PCGF5: variants seen among roughly 807,000 people sequenced by gnomAD.
PCGF5 encodes the protein polycomb group ring finger 5, also known as polycomb group RING finger protein 5.
Under a neutral mutation model 44.3 loss-of-function variants are expected in PCGF5, and 9 were observed. The ratio of observed to expected loss-of-function variants is 0.20; its 90% CI spans 0.12 to 0.35. PCGF5 has a LOEUF of 0.35. PCGF5 is among the 10% of genes least tolerant of loss of function. The pLI, the probability that PCGF5 is intolerant of heterozygous loss-of-function variation, is 1.00. For synonymous variants in PCGF5, 95 were observed against 102.5 expected, an observed-to-expected ratio of 0.93 and a Z score of 0.44; for missense variants, 146 against 305.3, an observed-to-expected ratio of 0.48 and a Z score of 3.89.
chr10:91,184,339 G>C (rs1181931589), intron 1 of PCGF5, among the ~76,000 whole-genome samples: 1 of 151,852 alleles, frequency 6.6e-6, no homozygotes, highest in Non-Finnish European at 1.5e-5. Context: ...TCCTCTACGT[G>C]GTCTATTCTG....
chr10:91,242,187 C>T (rs1183139454), intron 3 of PCGF5, among the ~76,000 whole-genome samples: 2 of 149,642 alleles, frequency 1.3e-5, no homozygotes, highest in African/African-American at 2.5e-5. Flanking sequence ...ATCTAGTAGG[C>T]AGGGGACAGG....
At chr10:91,172,006 A>G (rs544120933) in intron 1 of PCGF5, among the ~76,000 whole-genome samples, 1 of 152,366 alleles carries the variant, frequency 6.6e-6, no homozygotes, top group South Asian at 2.1e-4. Flanking sequence ...TTGTTCCTTT[A>G]TTTTAAAGAT....
chr10:91,206,230 C>G (rs1480104731), intron 1 of PCGF5, among the ~76,000 whole-genome samples: 1 of 151,894 alleles, frequency 6.6e-6, no homozygotes, highest in Non-Finnish European at 1.5e-5. Context: ...AGCTGAACAG[C>G]AGAACTCGGA....
At position 91,279,777 on chromosome 10, in the gene PCGF5, AT is replaced by A. The variant is rs2133480953; in HGVS notation, c.*1462del. 1 of 152,226 alleles carries A rather than the reference AT, an allele frequency of 6.6e-6. No homozygotes were observed. The highest frequency in any genetic ancestry group is 2.1e-4 in the South Asian group (1 of 4,830). The allele number at this position is 152,226 out of a possible 1,614,324, so 9.4% of individuals were successfully genotyped here. On this transcript the variant is annotated 3_prime_UTR_variant, in exon 10 of 10. Coordinates refer to ENST00000336126, the MANE Select transcript of PCGF5 (RefSeq NM_032373.5). ...TGTGTGTTACACACATTTAGTTTTT[AT>A]ACTGCATATGTGGTAAATGTGTCAC...
chr10:91,157,649 G>A, the PCGF5 span, among the ~76,000 whole-genome samples: 45 of 152,256 alleles, frequency 3.0e-4, no homozygotes, highest in Middle Eastern at 3.4e-3. Flanking sequence ...ATCAAAGATC[G>A]CCCATTTTAA....
intron 1 of PCGF5, among the ~76,000 whole-genome samples, chr10:91,195,453 CAT>C (rs1242745973): frequency 5.6e-4 from 70 of 126,108 alleles, no homozygotes; most frequent in African/African-American, 2.2e-3. Context: ...TATATATATG[CAT>C]ATATATATAT....
upstream of PCGF5, among the ~76,000 whole-genome samples, chr10:91,215,760 T>C (rs1160157897): frequency 6.6e-6 from 1 of 152,266 alleles, no homozygotes. Flanking sequence ...GACTAATTTC[T>C]TGTCCACCCA....
At chr10:91,261,927 G>C (rs995402704) in intron 7 of PCGF5, among the ~76,000 whole-genome samples, 3 of 152,198 alleles carry the variant, frequency 2.0e-5, no homozygotes, top group African/African-American at 4.8e-5. Flanking sequence ...TAATTTACCA[G>C]TTTATTTACA....
intron 6 of PCGF5, among the ~76,000 whole-genome samples, chr10:91,260,906 A>G (rs1307348353): frequency 6.6e-6 from 1 of 151,964 alleles, no homozygotes; most frequent in Non-Finnish European, 1.5e-5. Context: ...ACATGTATAC[A>G]TATGTAACAA....
chr10:91,269,550 C>T (rs997768507), intron 8 of PCGF5, among the ~76,000 whole-genome samples: 7 of 152,020 alleles, frequency 4.6e-5, no homozygotes, highest in African/African-American at 1.7e-4. Flanking sequence ...AATTTTTTGA[C>T]ATTACAAGCA....
chr10:91,226,823 T>C (rs1229675663), intron 2 of PCGF5, among the ~76,000 whole-genome samples: 4 of 152,306 alleles, frequency 2.6e-5, no homozygotes, highest in African/African-American at 9.6e-5. Context: ...TTTGATGACA[T>C]GATCAAATCA....
intron 1 of PCGF5, among the ~76,000 whole-genome samples, chr10:91,170,159 A>G (rs368053128): frequency 2.6e-5 from 4 of 152,354 alleles, no homozygotes; most frequent in African/African-American, 9.6e-5. Context: ...TGAATGTAAA[A>G]CTGTAAAACT....
At position 91,245,846 on chromosome 10, in the gene PCGF5, C is replaced by T. The variant is rs573950486; in HGVS notation, c.210-2659C>T. Among the ~76,000 whole-genome samples, 241 of 152,018 alleles carry T rather than the reference C, an allele frequency of 1.6e-3. 1 individual carries two copies. Among genetic ancestry groups the T allele is most frequent in the African/African-American group, 5.7e-3 (235 of 41,454 alleles). ...AGGAAAGGGATTTGGAGAGTTAGGG[C>T]GAGAAAAAAGCGTGTTGTCCAGGGG... On this transcript the variant is annotated intron_variant, in intron 3 of 9. Coordinates refer to ENST00000336126, the MANE Select transcript of PCGF5 (RefSeq NM_032373.5).
chr10:91,227,762 C>G lies in PCGF5; in HGVS notation c.112+4779C>G, dbSNP rs1220882494. On this transcript the variant is annotated intron_variant, in intron 2 of 9. Coordinates refer to ENST00000336126, the MANE Select transcript of PCGF5 (RefSeq NM_032373.5). ...ACTGGTTTCTGCCTACCACTTCCTC[C>G]CCTACCACCTAACACTCACACATAC... 1.1e-5 allele frequency: 11 copies of G among 999,508 alleles called. No homozygotes were observed. In the East Asian group the frequency reaches 1.2e-3, roughly 106 times the overall value. The allele number at this position is 999,508 out of a possible 1,614,324, so 61.9% of individuals were successfully genotyped here.
chr10:91,282,991 C>T lies in PCGF5; in HGVS notation c.*4675C>T, dbSNP rs921866365. The T allele has an allele frequency of 6.6e-6, 1 of 152,094 alleles. No individual in the cohort carries two copies. Among genetic ancestry groups the T allele is most frequent in the African/African-American group, 2.4e-5 (1 of 41,412 alleles). The allele number at this position is 152,094 out of a possible 1,614,324, so 9.4% of individuals were successfully genotyped here. On this transcript the variant is annotated 3_prime_UTR_variant, in exon 10 of 10. Coordinates refer to ENST00000336126, the MANE Select transcript of PCGF5 (RefSeq NM_032373.5). Reference sequence around the variant, plus strand: ...AAAAAGTGAAAAATATTAAATACACCAGAGACTCAAACCCTTTCAAGGCAC... The same window carrying T: ...AAAAAGTGAAAAATATTAAATACACTAGAGACTCAAACCCTTTCAAGGCAC...
intron 1 of PCGF5, among the ~76,000 whole-genome samples, chr10:91,185,452 G>A (rs776933977): frequency 6.6e-6 from 1 of 152,210 alleles, no homozygotes; most frequent in African/African-American, 2.4e-5. Flanking sequence ...GTGCCTGGCT[G>A]GAATTCCAAG....
chr10:91,203,673 C>T (rs1471977811), intron 1 of PCGF5, among the ~76,000 whole-genome samples: 1 of 152,134 alleles, frequency 6.6e-6, no homozygotes, highest in Non-Finnish European at 1.5e-5. Context: ...AAAACTACAT[C>T]CTGATAAACC....
intron 2 of PCGF5, among the ~76,000 whole-genome samples, chr10:91,231,912 G>T (rs746263230): frequency 2.0e-5 from 3 of 152,140 alleles, no homozygotes; most frequent in Non-Finnish European, 2.9e-5. Flanking sequence ...TTGTATGTGG[G>T]TCATGAAAAG....
upstream of PCGF5, among the ~76,000 whole-genome samples, chr10:91,158,164 G>C (rs1229354915): frequency 6.6e-6 from 1 of 152,158 alleles, no homozygotes; most frequent in African/African-American, 2.4e-5. Flanking sequence ...TGAAAGTCAA[G>C]TAGACTTTAT....
Sources: allele counts gnomAD v4.1 joint callset (sites outside exome capture counted in the v4.1 genomes callset), GRCh38; gene constraint gnomAD v4.1.1; transcripts MANE v1.5; gene names NCBI Gene and HGNC (gene_info 2026-07-23, HGNC 2026-07-21).